The following SUZ12 variants were observed in gnomAD, a reference collection of about 807,000 sequenced individuals.
SUZ12 encodes SUZ12 polycomb repressive complex 2 subunit.
In SUZ12, 17 loss-of-function variants were observed where a neutral mutation model predicts 87.3. The observed-to-expected ratio is 0.19, with a 90% confidence interval of 0.13 to 0.29. The LOEUF (loss-of-function observed/expected upper bound fraction) is 0.29. SUZ12 is among the 10% of genes least tolerant of loss of function. SUZ12 has a pLI of 1.00. For synonymous variants in SUZ12, 253 were observed against 312.4 expected (o/e 0.81, Z 2.01); for missense variants, 526 against 912.2 (o/e 0.58, Z 5.45).
In SUZ12 at chr17:31,986,677, A is replaced by G. The variant is rs1467478163; in HGVS notation, c.1024-1643A>G. Among the ~76,000 whole-genome samples the G allele has an allele frequency of 2.0e-5, 3 of 151,992 alleles. No homozygotes were observed. In the East Asian group the frequency reaches 5.8e-4, roughly 29 times the overall value. ...AGCGATTCTCCTGCCTCAGCCTCCCAAGTAGCTGGGATTACAGGCGCCAGC... is the reference window on the plus strand; with the variant it reads ...AGCGATTCTCCTGCCTCAGCCTCCCGAGTAGCTGGGATTACAGGCGCCAGC... On this transcript the variant is annotated intron_variant, in intron 9 of 15. Coordinates refer to ENST00000322652, the MANE Select transcript of SUZ12 (RefSeq NM_015355.4).
At chr17:31,959,258 A>G (rs1322387334) in intron 4 of SUZ12, among the ~76,000 whole-genome samples, 1 of 152,206 alleles carries the variant, frequency 6.6e-6, no homozygotes, top group East Asian at 1.9e-4. Flanking sequence ...ATCAGTTGCC[A>G]CTTAAGCATA....
chr17:31,956,072 C>T (rs1410838903), intron 4 of SUZ12, among the ~76,000 whole-genome samples: 3 of 151,936 alleles, frequency 2.0e-5, no homozygotes, highest in Non-Finnish European at 2.9e-5. Context: ...GCCACCACGC[C>T]CGGCTAATTT....
At position 31,998,102 on chromosome 17, in the gene SUZ12, C is replaced by T. The variant is rs534784464; in HGVS notation, c.1875-556C>T. Among the ~76,000 whole-genome samples, 6 of 139,254 alleles carry T rather than the reference C, an allele frequency of 4.3e-5. No homozygotes were observed. The South Asian group carries it at 6.9e-4, about 16-fold the overall frequency. The allele number at this position is 139,254 out of a possible 152,430, so 91.4% of individuals were successfully genotyped here. On this transcript the variant is annotated intron_variant, in intron 15 of 15. Transcript: ENST00000322652. ...AATTTTTTTTTTTTTTTTTTTGAGA[C>T]GGAGTCTCTCTCTCTCGTCCAGGCT...
intron 4 of SUZ12, among the ~76,000 whole-genome samples, chr17:31,952,445 G>A (rs1222739383): frequency 6.6e-6 from 1 of 152,120 alleles, no homozygotes; most frequent in East Asian, 1.9e-4. Flanking sequence ...AATTTTTCAT[G>A]GATTTTGACC....
At chr17:31,981,983 C>T (rs1040714527) in intron 8 of SUZ12, among the ~76,000 whole-genome samples, 1 of 152,046 alleles carries the variant, frequency 6.6e-6, no homozygotes, top group African/African-American at 2.4e-5. Flanking sequence ...GAAGAGAAGC[C>T]AGTTTCTTGA....
chr17:31,988,362 C>G lies in SUZ12; in HGVS notation c.1066C>G (p.Gln356Glu). Residue 356 changes from glutamine to glutamate, a missense_variant, in exon 10 of 16, where the codon CAG becomes GAG. By Grantham distance (29) the Gln-to-Glu change is conservative (BLOSUM62 2). This residue lies in a region of SUZ12 where 85 missense variants were observed against 87.4 expected (regional missense o/e 0.97). Coordinates refer to ENST00000322652, the MANE Select transcript of SUZ12 (RefSeq NM_015355.4). Reference sequence around the variant, plus strand: ...AACATTTTCTCAGGGACCTACGTTGCAGTTCACTCTTCGTTGGACAGGAGA... The same window carrying G: ...AACATTTTCTCAGGGACCTACGTTGGAGTTCACTCTTCGTTGGACAGGAGA... ...FETFSQGPTL[Q>E]FTLRWTGETN... 6.2e-7 allele frequency: 1 copy of G among 1,604,182 alleles called. No individual in the cohort carries two copies. Among genetic ancestry groups the G allele is most frequent in the South Asian group, 1.1e-5 (1 of 88,640 alleles).
intron 7 of SUZ12, among the ~76,000 whole-genome samples, chr17:31,976,265 G>T (rs1908747272): frequency 6.6e-6 from 1 of 152,198 alleles, no homozygotes; most frequent in Non-Finnish European, 1.5e-5. Flanking sequence ...CGAGTGAGAA[G>T]GAGTTTGCCT....
intron 4 of SUZ12, among the ~76,000 whole-genome samples, chr17:31,949,108 T>C (rs909333527): frequency 6.6e-6 from 1 of 152,194 alleles, no homozygotes; most frequent in Non-Finnish European, 1.5e-5. Flanking sequence ...CACTGGACCC[T>C]TCTCTTCATC....
At chr17:31,982,882 T>C in intron 8 of SUZ12, 117 bp from the exon 9 acceptor site, 1 of 1,345,836 alleles carries the variant, frequency 7.4e-7, no homozygotes, top group African/African-American at 1.5e-5. Context: ...TCTTGTTGGG[T>C]ATGTAAGCTA....
intron 8 of SUZ12, among the ~76,000 whole-genome samples, chr17:31,977,220 G>T (rs1908808363): frequency 6.6e-6 from 1 of 151,386 alleles, no homozygotes; most frequent in African/African-American, 2.4e-5. Flanking sequence ...AGGCAGCAAT[G>T]AGCTATGATC....
At chr17:31,983,358 C>T (rs1428962148) in intron 9 of SUZ12, among the ~76,000 whole-genome samples, 4 of 150,476 alleles carry the variant, frequency 2.7e-5, no homozygotes, top group Non-Finnish European at 4.4e-5. Flanking sequence ...TCACTGCAAC[C>T]TCCACCTCCC....
At chr17:31,948,363 ATATTC>A (rs1906758520) in intron 4 of SUZ12, among the ~76,000 whole-genome samples, 1 of 152,176 alleles carries the variant, frequency 6.6e-6, no homozygotes, top group Non-Finnish European at 1.5e-5. Flanking sequence ...AGAAAATTGA[ATATTC>A]TAAGGAGAAA....
chr17:31,975,518 A>G lies in SUZ12; in HGVS notation c.628A>G (p.Lys210Glu), dbSNP rs1908690394. 1.2e-6 allele frequency: 2 copies of G among 1,613,696 alleles called. No individual in the cohort carries two copies. The highest frequency in any genetic ancestry group is 1.7e-6 in the Non-Finnish European group (2 of 1,179,796). Residue 210 changes from lysine to glutamate, a missense_variant, in exon 7 of 16, where the codon AAA (lysine) becomes GAA (glutamate). By Grantham distance (56) the Lys-to-Glu change is moderately conservative. This residue lies in a region of SUZ12 where 73 missense variants were observed against 133.8 expected (regional missense o/e 0.55). Transcript: ENST00000322652. ...TCCAATAAGGCAAGTTCCCACAGGTAAAAAGCAGGTGCCTTTGAATCCTGA... is the reference window on the plus strand; with the variant it reads ...TCCAATAAGGCAAGTTCCCACAGGTGAAAAGCAGGTGCCTTTGAATCCTGA... ...SCPIRQVPTGKKQVPLNPDLN... is the reference protein window; with the variant it reads ...SCPIRQVPTGEKQVPLNPDLN...
intron 9 of SUZ12, among the ~76,000 whole-genome samples, chr17:31,985,479 T>C (rs915201356): frequency 1.4e-4 from 21 of 151,778 alleles, no homozygotes; most frequent in African/African-American, 4.8e-4. Context: ...TAATAGTGGT[T>C]AACTCCAGGT....
chr17:31,966,860 T>C (rs1908121537), intron 5 of SUZ12: 1 of 152,168 alleles, frequency 6.6e-6, no homozygotes, highest in Non-Finnish European at 1.5e-5. Context: ...GCTCAAAGCA[T>C]GCTGGAAAGA....
chr17:31,995,062 C>G (rs947737949), intron 13 of SUZ12, among the ~76,000 whole-genome samples: 4 of 152,160 alleles, frequency 2.6e-5, no homozygotes, highest in African/African-American at 9.7e-5. Flanking sequence ...TGCCATTGCA[C>G]TCCGGCCTGG....
At chr17:31,948,876 A>C (rs2142130779) in intron 4 of SUZ12, among the ~76,000 whole-genome samples, 1 of 152,300 alleles carries the variant, frequency 6.6e-6, no homozygotes, top group South Asian at 2.1e-4. Flanking sequence ...TTCGCAGTGC[A>C]CGCACATTTT....
At chr17:31,986,162 A>G (rs1450585072) in intron 9 of SUZ12, among the ~76,000 whole-genome samples, 3 of 151,896 alleles carry the variant, frequency 2.0e-5, no homozygotes, top group Admixed American at 6.6e-5. Context: ...GGCTGGTCTC[A>G]AACTCCTGAC....
chr17:31,951,362 A>C (rs1490194540), intron 4 of SUZ12, among the ~76,000 whole-genome samples: 1 of 152,232 alleles, frequency 6.6e-6, no homozygotes, highest in Non-Finnish European at 1.5e-5. Context: ...TCTGTTCAAA[A>C]GAAGTTGGTG....
Sources: allele counts gnomAD v4.1 joint callset (sites outside exome capture counted in the v4.1 genomes callset), GRCh38; gene constraint gnomAD v4.1.1; regional missense constraint gnomAD v4.1.1; transcripts MANE v1.5; gene names NCBI Gene and HGNC (gene_info 2026-07-23, HGNC 2026-07-21).